SHB: variants seen among roughly 807,000 people sequenced by gnomAD.
SHB encodes SH2 domain containing adaptor protein B.
In SHB, 20 loss-of-function variants were observed where a neutral mutation model predicts 52.3. The observed-to-expected ratio is 0.38, with a 90% CI of 0.27 to 0.56. SHB has a LOEUF of 0.56. SHB is among the 20% of genes least tolerant of loss of function. The probability of loss-of-function intolerance (pLI) is 0.71; values close to 1 mark genes in which losing one functional copy is unlikely to be tolerated. For synonymous variants in SHB, 397 were observed against 316.5 expected (o/e 1.25, Z -2.70); for missense variants, 825 against 723.3 (o/e 1.14, Z -1.61).
chr9:38,015,885 C>T (rs981197433), intron 2 of SHB, 126 bp downstream of exon 2: 2 of 886,224 alleles, frequency 2.3e-6, no homozygotes, highest in Non-Finnish European at 3.5e-6. Flanking sequence ...ATTGCTCCCA[C>T]CTACCAACTT....
At chr9:38,022,640 C>G (rs911755249) in intron 1 of SHB, among the ~76,000 whole-genome samples, 2 of 152,194 alleles carry the variant, frequency 1.3e-5, no homozygotes, top group East Asian at 3.9e-4. Context: ...TAACACAGGC[C>G]CTAGCGGGCC....
chr9:38,068,505 G>A lies in SHB; in HGVS notation c.141C>T (p.Ala47=), dbSNP rs1380016265. ...CGCAGGACGCCGAGGCGGCGGAGGA[G>A]GCCTGCGGCACGGCCTGGGGGGGCT... is the stretch of plus-strand genomic sequence containing the variant. ...PSQPPQAVPQ[A]SSAASASCGP... The change falls in exon 1 of 6, where the codon GCC becomes GCT. Residue 47 remains alanine (A), a synonymous_variant. Coordinates refer to ENST00000377707, the MANE Select transcript of SHB (RefSeq NM_003028.3). The A allele has an allele frequency of 1.3e-6, 2 of 1,488,942 alleles. No individual in the cohort carries two copies. Among genetic ancestry groups the A allele is most frequent in the Admixed American group, 2.2e-5 (1 of 45,094 alleles). 92.2% of individuals were successfully genotyped at this position (1,488,942 alleles called of 1,614,324 possible).
intron 3 of SHB, among the ~76,000 whole-genome samples, chr9:37,962,032 T>C (rs985650747): frequency 7.9e-5 from 12 of 152,200 alleles, no homozygotes; most frequent in Non-Finnish European, 1.3e-4. Context: ...GACCTGGGTT[T>C]GAATCCTGTC....
At position 38,068,153 on chromosome 9, in the gene SHB, T is replaced by G. The variant is rs1392181780; in HGVS notation, c.493A>C (p.Ser165Arg). Residue 165 changes from serine (S) to arginine (R), a missense_variant, in exon 1 of 6, where the codon AGC becomes CGC. Transcript: ENST00000377707. ...SSGSPHLYRS[S>R]SERRPATPAE... Reference sequence around the variant, plus strand: ...GGCGTGGCGGGCCGCCGCTCGCTGCTGCTGCGGTAGAGATGCGGAGAGCCG... The same window carrying G: ...GGCGTGGCGGGCCGCCGCTCGCTGCGGCTGCGGTAGAGATGCGGAGAGCCG... 1.4e-6 allele frequency: 2 copies of G among 1,443,922 alleles called. No individual in the cohort carries two copies. The highest frequency in any genetic ancestry group is 1.8e-6 in the Non-Finnish European group (2 of 1,111,332). The allele number at this position is 1,443,922 out of a possible 1,614,324, so 89.4% of individuals were successfully genotyped here.
chr9:38,066,634 G>A (rs1309865980), intron 1 of SHB, among the ~76,000 whole-genome samples: 1 of 152,194 alleles, frequency 6.6e-6, no homozygotes, highest in Non-Finnish European at 1.5e-5. Context: ...CCAGGGAGAG[G>A]TGGGATCTTC....
intron 1 of SHB, among the ~76,000 whole-genome samples, chr9:38,065,234 C>A (rs150262859): frequency 2.0e-5 from 3 of 152,314 alleles, no homozygotes; most frequent in South Asian, 4.1e-4. Flanking sequence ...AATGTGAAAA[C>A]AACTGCTTCC....
chr9:37,979,370 CAG>C (rs2117979506), intron 2 of SHB, among the ~76,000 whole-genome samples: 1 of 152,234 alleles, frequency 6.6e-6, no homozygotes, highest in Non-Finnish European at 1.5e-5. Context: ...TCTTTAGAAT[CAG>C]AGAATGTTAG....
intron 5 of SHB, among the ~76,000 whole-genome samples, chr9:37,928,090 T>C (rs868824839): frequency 2.0e-5 from 3 of 152,136 alleles, no homozygotes; most frequent in South Asian, 2.1e-4. Context: ...ACTGATATCA[T>C]TGGCTGGGCA....
At chr9:37,964,935 T>C (rs564910815) in intron 3 of SHB, among the ~76,000 whole-genome samples, 2 of 152,306 alleles carry the variant, frequency 1.3e-5, no homozygotes, top group African/African-American at 4.8e-5. Context: ...CAGGCCCATC[T>C]GTAAAACATA....
rs1455415957 is a variant in SHB at position 37,990,689 on chromosome 9, G to A, written c.839-15852C>T. 2.6e-5 allele frequency among the ~76,000 whole-genome samples: 4 copies of A among 152,170 alleles called. 1 individual carries two copies. Among genetic ancestry groups the A allele is most frequent in the Non-Finnish European group, 5.9e-5 (4 of 68,042 alleles). ...TCTACAGAAATATCCAGACCCACAG[G>A]CAGAAACAACTGCTCACAAATTTTG... On this transcript the variant is annotated intron_variant, in intron 2 of 5. Coordinates refer to ENST00000377707, the MANE Select transcript of SHB (RefSeq NM_003028.3).
At chr9:38,050,618 G>A (rs191710835) in intron 1 of SHB, among the ~76,000 whole-genome samples, 1 of 152,094 alleles carries the variant, frequency 6.6e-6, no homozygotes, top group African/African-American at 2.4e-5. Flanking sequence ...GAAGGTGGTC[G>A]TCAGAAATGT....
intron 3 of SHB, among the ~76,000 whole-genome samples, chr9:37,962,213 C>T (rs200957210): frequency 5.3e-5 from 8 of 152,224 alleles, no homozygotes; most frequent in Admixed American, 2.0e-4. Context: ...GTCACATGTA[C>T]GCTCTGATAC....
chr9:37,937,462 A>G (rs866168130), intron 5 of SHB, among the ~76,000 whole-genome samples: 1 of 151,928 alleles, frequency 6.6e-6, no homozygotes, highest in South Asian at 2.1e-4. Context: ...CTTTAAAAAG[A>G]TAAGAAAAAA....
At chr9:37,958,162 T>C (rs995281731) in intron 3 of SHB, among the ~76,000 whole-genome samples, 6 of 152,178 alleles carry the variant, frequency 3.9e-5, no homozygotes, top group Non-Finnish European at 5.9e-5. Flanking sequence ...CTAGAAAGTA[T>C]AGCTGGCTAA....
chr9:37,958,254 T>A (rs530397334), intron 3 of SHB, among the ~76,000 whole-genome samples: 2 of 151,192 alleles, frequency 1.3e-5, no homozygotes, highest in South Asian at 4.2e-4. Flanking sequence ...TCCAGCCACA[T>A]TCTGCAGGCA....
At chr9:38,040,030 G>A (rs1457284156) in intron 1 of SHB, among the ~76,000 whole-genome samples, 4 of 152,272 alleles carry the variant, frequency 2.6e-5, no homozygotes, top group Non-Finnish European at 5.9e-5. Flanking sequence ...TTCTTGTGGT[G>A]ATTGTTTCTG....
intron 2 of SHB, among the ~76,000 whole-genome samples, chr9:38,009,116 G>A (rs1457370488): frequency 1.3e-5 from 2 of 152,256 alleles, no homozygotes; most frequent in Non-Finnish European, 2.9e-5. Flanking sequence ...AAGACTCACA[G>A]GCTCCTTTTT....
chr9:37,936,774 AC>A (rs1832376984), intron 5 of SHB: 1 of 152,152 alleles, frequency 6.6e-6, no homozygotes, highest in Non-Finnish European at 1.5e-5. Flanking sequence ...CATTTTATGC[AC>A]CTCAAACTGG....
intron 1 of SHB, among the ~76,000 whole-genome samples, chr9:38,028,919 T>A (rs768962740): frequency 7.2e-5 from 11 of 152,092 alleles, no homozygotes; most frequent in Non-Finnish European, 1.0e-4. Flanking sequence ...AGGGTGAGGG[T>A]GAGGGGGCAC....
Sources: allele counts gnomAD v4.1 joint callset (sites outside exome capture counted in the v4.1 genomes callset), GRCh38; gene constraint gnomAD v4.1.1; transcripts MANE v1.5; gene names NCBI Gene and HGNC (gene_info 2026-07-23, HGNC 2026-07-21).